TTC7B: variants seen among roughly 807,000 people sequenced by gnomAD.
The protein encoded by TTC7B is tetratricopeptide repeat domain 7B.
A neutral mutation model predicts 106.8 loss-of-function variants in TTC7B; 28 were observed. The ratio of observed to expected loss-of-function variants is 0.26; its 90% CI spans 0.19 to 0.36. The LOEUF is 0.36. Among genes scored for constraint, TTC7B ranks in the 10% least tolerant of loss-of-function variants. The pLI, the probability that TTC7B is intolerant of heterozygous loss-of-function variation, is 1.00. For synonymous variants in TTC7B, 405 were observed against 430.6 expected (o/e 0.94, Z 0.74); for missense variants, 862 against 1,076.4 (o/e 0.80, Z 2.79).
At chr14:90,562,283 G>T (rs913177580) in intron 19 of TTC7B, among the ~76,000 whole-genome samples, 2 of 152,030 alleles carry the variant, frequency 1.3e-5, no homozygotes, top group African/African-American at 4.8e-5. Context: ...ACCCAACCAG[G>T]CTCCTGAACC....
At chr14:90,555,862 A>G (rs989023868) in intron 19 of TTC7B, among the ~76,000 whole-genome samples, 3 of 152,240 alleles carry the variant, frequency 2.0e-5, no homozygotes, top group African/African-American at 7.2e-5. Flanking sequence ...TGGGAGTGGA[A>G]TAACTTGGTC....
intron 15 of TTC7B, among the ~76,000 whole-genome samples, chr14:90,643,547 G>T (rs1885283907): frequency 6.6e-6 from 1 of 151,794 alleles, no homozygotes; most frequent in African/African-American, 2.4e-5. Context: ...ATGTTAGGAT[G>T]ACCTAACAGC....
intron 9 of TTC7B, among the ~76,000 whole-genome samples, chr14:90,664,959 G>A (rs553731713): frequency 1.3e-5 from 2 of 152,348 alleles, no homozygotes; most frequent in South Asian, 4.1e-4. Context: ...CTGGGAATGA[G>A]GGTGGGCATG....
rs570049034 is a variant in TTC7B, at chr14:90,780,731, G to T, written c.445+7C>A. Reference sequence around the variant, plus strand: ...CGGGACACTGTGTTAGAAGGCACGGGCCTCACCTTTGGTAGCGTAGGCTTC... The same window carrying T: ...CGGGACACTGTGTTAGAAGGCACGGTCCTCACCTTTGGTAGCGTAGGCTTC... On this transcript the variant is annotated splice_region_variant and intron_variant, in intron 3 of 19. Coordinates refer to ENST00000328459, the MANE Select transcript of TTC7B (RefSeq NM_001010854.2). 1.2e-6 allele frequency: 2 copies of T among 1,613,590 alleles called. No homozygotes were observed. Among genetic ancestry groups the T allele is most frequent in the Admixed American group, 1.7e-5 (1 of 59,960 alleles).
At chr14:90,725,952 G>C (rs567554241) in intron 5 of TTC7B, among the ~76,000 whole-genome samples, 20 of 152,322 alleles carry the variant, frequency 1.3e-4, no homozygotes, top group Admixed American at 6.5e-4. Context: ...TAACTAATTG[G>C]CATCCCAGCT....
Position 90,627,150 on chromosome 14 carries a change from TA to T in TTC7B, c.1752-9106del, listed in dbSNP as rs1269202823. On this transcript the variant is annotated intron_variant, in intron 15 of 19. Coordinates refer to ENST00000328459, the MANE Select transcript of TTC7B (RefSeq NM_001010854.2). ...GCATGCGTCACCATGACTGGCTAAT[TA>T]AAAAAAATTTTTTAGTAGATATGGG... Among the ~76,000 whole-genome samples the T allele has an allele frequency of 3.9e-5, 6 of 151,956 alleles. No individual in the cohort carries two copies. In the East Asian group the frequency reaches 1.2e-3, roughly 29 times the overall value.
intron 4 of TTC7B, among the ~76,000 whole-genome samples, chr14:90,732,670 G>C (rs139672553): frequency 6.6e-6 from 1 of 151,980 alleles, no homozygotes; most frequent in Non-Finnish European, 1.5e-5. Flanking sequence ...GAGCCACTGC[G>C]CCTGGCTCCT....
intron 5 of TTC7B, among the ~76,000 whole-genome samples, chr14:90,710,658 G>A (rs1888409764): frequency 6.6e-6 from 1 of 152,174 alleles, no homozygotes; most frequent in Admixed American, 6.5e-5. Flanking sequence ...CACCCCATCA[G>A]TCAGCAGGTA....
intron 18 of TTC7B, among the ~76,000 whole-genome samples, chr14:90,588,221 C>CGCCAG (rs912964544): frequency 2.8e-4 from 43 of 152,098 alleles, no homozygotes; most frequent in African/African-American, 8.7e-4. Context: ...TGGGCAAAGG[C>CGCCAG]GCCAGGCCAG....
intron 17 of TTC7B, chr14:90,605,792 C>CA (rs368830022): frequency 0.016 from 16,168 of 998,448 alleles, 1 homozygote; most frequent in East Asian, 0.035. Flanking sequence ...AGGGTGAAGG[C>CA]AAAAAAAAAA....
intron 2 of TTC7B, among the ~76,000 whole-genome samples, chr14:90,784,487 G>A (rs1367016880): frequency 1.3e-5 from 2 of 152,118 alleles, no homozygotes; most frequent in Non-Finnish European, 2.9e-5. Context: ...AGCGCGGGAG[G>A]CAGAGCTTGC....
In TTC7B at chr14:90,536,845, T is replaced by G. The variant is rs900809009; in HGVS notation, c.*4523A>C. The G allele has an allele frequency of 6.6e-6, 1 of 152,316 alleles. No individual in the cohort carries two copies. The highest frequency in any genetic ancestry group is 2.4e-5 in the African/African-American group (1 of 41,440). 9.4% of individuals were successfully genotyped at this position (152,316 alleles called of 1,614,324 possible). A position where few individuals can be genotyped will look rare whatever the true frequency, so the allele number is the denominator to read the frequency against. On this transcript the variant is annotated 3_prime_UTR_variant, in exon 20 of 20. Coordinates refer to ENST00000328459, the MANE Select transcript of TTC7B (RefSeq NM_001010854.2). ...TGACTATGTTGCCTTCCATGACAGA[T>G]GGAGCGATGCAGATGTGATTGAACG...
At position 90,630,900 on chromosome 14, in the gene TTC7B, T is replaced by C. The variant is rs564548455; in HGVS notation, c.1752-12855A>G. ...CCCAGGCTGGAGTGCAGTGGCATGA[T>C]CTCGGCTCACTGCAAGCTCTGCCTC... On this transcript the variant is annotated intron_variant, in intron 15 of 19. Transcript: ENST00000328459. Among the ~76,000 whole-genome samples, 31 of 151,558 alleles carry C rather than the reference T, an allele frequency of 2.0e-4. No individual in the cohort carries two copies. In the East Asian group the frequency reaches 4.3e-3, roughly 21 times the overall value.
chr14:90,774,528 T>C (rs1462817714), intron 3 of TTC7B, among the ~76,000 whole-genome samples: 1 of 152,194 alleles, frequency 6.6e-6, no homozygotes, highest in Non-Finnish European at 1.5e-5. Flanking sequence ...GACTTGGATT[T>C]GCACTGCCCC....
chr14:90,601,910 G>C, intron 17 of TTC7B: 1 of 314,042 alleles, frequency 3.2e-6, no homozygotes, highest in East Asian at 8.6e-5. Flanking sequence ...CGAGTTGCCG[G>C]GTGACTCCAG....
intron 1 of TTC7B, among the ~76,000 whole-genome samples, chr14:90,792,560 G>A (rs1427353926): frequency 6.6e-6 from 1 of 152,170 alleles, no homozygotes; most frequent in Non-Finnish European, 1.5e-5. Context: ...CTGGGCAGCA[G>A]AGCAAGACTC....
chr14:90,718,310 C>T (rs531783234), intron 5 of TTC7B, among the ~76,000 whole-genome samples: 3 of 152,364 alleles, frequency 2.0e-5, no homozygotes, highest in African/African-American at 4.8e-5. Context: ...CAAGACCAAA[C>T]TTCCACTGGG....
chr14:90,769,938 G>T (rs901971075), intron 3 of TTC7B, among the ~76,000 whole-genome samples: 1 of 151,994 alleles, frequency 6.6e-6, no homozygotes, highest in African/African-American at 2.4e-5. Flanking sequence ...CATTTGATAC[G>T]AGGAGTTTGA....
chr14:90,802,327 C>A lies in TTC7B; in HGVS notation c.121+13848G>T, dbSNP rs1340863914. Among the ~76,000 whole-genome samples the A allele has an allele frequency of 1.3e-5, 2 of 152,060 alleles. No individual in the cohort carries two copies. The highest frequency in any genetic ancestry group is 2.4e-5 in the African/African-American group (1 of 41,382). Reference sequence around the variant, plus strand: ...CAGGGAAGTCTAGGGTGCCTGTGCCCGTGCCTGCAGAAGGGAAGGGTCAGG... The same window carrying A: ...CAGGGAAGTCTAGGGTGCCTGTGCCAGTGCCTGCAGAAGGGAAGGGTCAGG... On this transcript the variant is annotated intron_variant, in intron 1 of 19. Transcript: ENST00000328459. The surrounding 1 kb of genome is among the most constrained non-coding windows in gnomAD (Gnocchi z 4.7).
Sources: allele counts gnomAD v4.1 joint callset (sites outside exome capture counted in the v4.1 genomes callset), GRCh38; gene constraint gnomAD v4.1.1; non-coding constraint Gnocchi (gnomAD v3.1); transcripts MANE v1.5; gene names NCBI Gene and HGNC (gene_info 2026-07-23, HGNC 2026-07-21).